The following THSD4 variants were observed in gnomAD, a reference collection of about 807,000 sequenced individuals.
THSD4 encodes the protein thrombospondin type-1 domain-containing protein 4.
In THSD4, 69 loss-of-function variants were observed where a neutral mutation model predicts 119.0. That is an observed-to-expected ratio of 0.58 (90% CI 0.48 to 0.71). The LOEUF is 0.71. THSD4 is among the 30% of genes least tolerant of loss of function. THSD4 has a pLI of 0.00. For missense variants in THSD4, 1,393 were observed against 1,391.1 expected (o/e 1.00, Z -0.02); for synonymous variants, 524 against 540.4 (o/e 0.97, Z 0.42).
rs984384875 is a variant in THSD4 at position 71,747,019 on chromosome 15, C to A, written c.2218C>A (p.Gln740Lys). The A allele has an allele frequency of 2.5e-6, 4 of 1,610,904 alleles. No homozygotes were observed. The African/African-American group carries it at 4.0e-5, about 16-fold the overall frequency. ...TCQLKICSEWQIRTDWTSCSV... is the reference protein window; with the variant it reads ...TCQLKICSEWKIRTDWTSCSV... ...CCAACTCAAGATCTGCAGCGAGTGG[C>A]AGATCCGGACCGACTGGACCTCGGT... The change falls in exon 13 of 18, where the codon CAG (glutamine) becomes AAG (lysine). Residue 740 changes from glutamine (Q) to lysine (K), a missense_variant. Physicochemically the swap from Gln to Lys is moderately conservative, Grantham distance 53 (BLOSUM62 1). Coordinates refer to ENST00000261862, the MANE Select transcript of THSD4 (RefSeq NM_024817.3).
intron 7 of THSD4, among the ~76,000 whole-genome samples, chr15:71,600,000 T>G (rs964089295): frequency 1.3e-5 from 2 of 152,266 alleles, no homozygotes; most frequent in Non-Finnish European, 2.9e-5. Flanking sequence ...GGTTAGTGTC[T>G]TCTTTCTGTT....
intron 6 of THSD4, among the ~76,000 whole-genome samples, chr15:71,380,438 G>A (rs1178039297): frequency 6.6e-6 from 1 of 152,056 alleles, no homozygotes; most frequent in Non-Finnish European, 1.5e-5. Flanking sequence ...AAATGAAACC[G>A]TTTGATGCTC....
chr15:71,387,280 T>G (rs1192988605), intron 6 of THSD4, among the ~76,000 whole-genome samples: 1 of 151,940 alleles, frequency 6.6e-6, no homozygotes, highest in African/African-American at 2.4e-5. Flanking sequence ...TGAACTCAGG[T>G]GTTAGGGAAA....
At chr15:71,702,552 G>A (rs146181360) in intron 8 of THSD4, among the ~76,000 whole-genome samples, 7 of 152,236 alleles carry the variant, frequency 4.6e-5, no homozygotes, top group Non-Finnish European at 5.9e-5. Flanking sequence ...CTCCTATGCA[G>A]AATGTTACTT....
intron 6 of THSD4, among the ~76,000 whole-genome samples, chr15:71,280,081 C>A (rs181377433): frequency 2.8e-4 from 42 of 152,350 alleles, no homozygotes; most frequent in African/African-American, 9.6e-4. Flanking sequence ...CCAGGTAGAG[C>A]TTCCAGGAGC....
intron 6 of THSD4, among the ~76,000 whole-genome samples, chr15:71,311,580 G>A (rs1258018980): frequency 6.6e-6 from 1 of 152,092 alleles, no homozygotes; most frequent in Non-Finnish European, 1.5e-5. Context: ...CTTTCTAACT[G>A]TGCACTGATC....
chr15:71,399,337 A>T (rs149981179), intron 6 of THSD4, among the ~76,000 whole-genome samples: 1 of 152,148 alleles, frequency 6.6e-6, no homozygotes, highest in African/African-American at 2.4e-5. Flanking sequence ...TAGACATATA[A>T]AATTTACAAA....
At chr15:71,183,447 C>G (rs1230880981) in intron 3 of THSD4, among the ~76,000 whole-genome samples, 3 of 151,614 alleles carry the variant, frequency 2.0e-5, no homozygotes, top group African/African-American at 7.2e-5. Flanking sequence ...AATTCTGGAC[C>G]TTGGGCAAGG....
At chr15:71,520,065 C>A (rs1257537167) in intron 7 of THSD4, among the ~76,000 whole-genome samples, 1 of 152,166 alleles carries the variant, frequency 6.6e-6, no homozygotes, top group African/African-American at 2.4e-5. Context: ...CTTGTTTAGT[C>A]CTCTTGGTAA....
At chr15:71,476,838 T>G (rs900547436) in intron 7 of THSD4, among the ~76,000 whole-genome samples, 9 of 152,120 alleles carry the variant, frequency 5.9e-5, no homozygotes, top group Non-Finnish European at 4.4e-5. Flanking sequence ...TTCAAGAAAC[T>G]TTTGGAACGT....
At chr15:71,640,838 G>C (rs548837584) in intron 7 of THSD4, among the ~76,000 whole-genome samples, 11 of 152,276 alleles carry the variant, frequency 7.2e-5, no homozygotes, top group African/African-American at 2.6e-4. Context: ...AGCCCATTGA[G>C]AGCAGGGATG....
intron 1 of THSD4, among the ~76,000 whole-genome samples, chr15:71,140,940 G>A (rs940128201): frequency 2.6e-5 from 4 of 152,174 alleles, no homozygotes; most frequent in African/African-American, 9.7e-5. Flanking sequence ...CCTATAAATG[G>A]AATCATATAA....
chr15:71,496,483 T>G (rs2048019768), intron 7 of THSD4, among the ~76,000 whole-genome samples: 2 of 152,148 alleles, frequency 1.3e-5, no homozygotes, highest in Non-Finnish European at 2.9e-5. Context: ...GCATGCAGCT[T>G]TCATCCAGGT....
chr15:71,201,734 C>T (rs1440737959), intron 3 of THSD4, among the ~76,000 whole-genome samples: 2 of 152,164 alleles, frequency 1.3e-5, no homozygotes, highest in African/African-American at 2.4e-5. Flanking sequence ...AAGCTGTTGG[C>T]TCTGAGAGGG....
intron 3 of THSD4, 52 bp downstream of exon 3, chr15:71,154,984 A>G: frequency 6.4e-7 from 1 of 1,556,770 alleles, no homozygotes; most frequent in South Asian, 1.1e-5. Context: ...GGCTAGGGCC[A>G]CTGTGGTCAC....
chr15:71,770,996 T>G, intron 16 of THSD4, 68 bp from the exon 17 acceptor site: 4 of 1,563,030 alleles, frequency 2.6e-6, no homozygotes, highest in Non-Finnish European at 3.5e-6. Flanking sequence ...TCCAGTGTCT[T>G]CTTTCTCCAG....
chr15:71,623,840 T>A (rs963457863), intron 7 of THSD4, among the ~76,000 whole-genome samples: 1 of 151,264 alleles, frequency 6.6e-6, no homozygotes, highest in African/African-American at 2.4e-5. Flanking sequence ...GGACAGTCAC[T>A]TGAACCTGGG....
At chr15:71,640,990 C>G (rs931572668) in intron 7 of THSD4, among the ~76,000 whole-genome samples, 5 of 151,544 alleles carry the variant, frequency 3.3e-5, no homozygotes, top group African/African-American at 1.2e-4. Context: ...GACACACACA[C>G]ACACACACAC....
intron 7 of THSD4, among the ~76,000 whole-genome samples, chr15:71,575,963 C>CT (rs569006432): frequency 6.6e-5 from 10 of 152,166 alleles, no homozygotes; most frequent in Non-Finnish European, 1.5e-4. Flanking sequence ...AAAATGAAGA[C>CT]TATTGTAGAG....
Sources: gnomAD v4.1 joint callset for allele counts (sites outside exome capture counted in the v4.1 genomes callset) on GRCh38, gnomAD v4.1.1 for gene constraint, MANE v1.5 for transcripts, NCBI Gene and HGNC (gene_info 2026-07-23, HGNC 2026-07-21) for gene names.